LMAN1: variants seen among roughly 807,000 people sequenced by gnomAD.
The protein encoded by LMAN1 is lectin, mannose binding 1, also known as protein ERGIC-53.
A neutral mutation model predicts 67.8 loss-of-function variants in LMAN1; 32 were observed. That is an observed-to-expected ratio of 0.47 (90% CI 0.36 to 0.63). The LOEUF (loss-of-function observed/expected upper bound fraction) is 0.63. LMAN1 is among the 30% of genes least tolerant of loss of function. LMAN1 has a pLI of 0.00. For missense variants in LMAN1, 632 were observed against 628.2 expected (o/e 1.01, Z -0.06); for synonymous variants, 235 against 219.3 (o/e 1.07, Z -0.63).
At chr18:59,331,687 T>C in intron 11 of LMAN1, 148 bp from the exon 12 acceptor site, 1 of 828,776 alleles carries the variant, frequency 1.2e-6, no homozygotes, top group Non-Finnish European at 1.9e-6. Flanking sequence ...CCCTTAACTT[T>C]TACTGACAAC....
intron 1 of LMAN1, among the ~76,000 whole-genome samples, chr18:59,357,963 T>TAAAA (rs150790005): frequency 9.8e-6 from 1 of 102,552 alleles, no homozygotes; most frequent in African/African-American, 3.9e-5. Context: ...AACCTTATAG[T>TAAAA]AAAAAAAAAA....
chr18:59,343,635 T>C (rs1245259746), intron 8 of LMAN1, among the ~76,000 whole-genome samples: 1 of 152,082 alleles, frequency 6.6e-6, no homozygotes, highest in East Asian at 1.9e-4. Context: ...CTTCTCACCA[T>C]ATGCAAAAAT....
Position 59,359,164 on chromosome 18 carries a change from G to T in LMAN1, c.81C>A (p.Phe27Leu). The change falls in exon 1 of 13, where the codon TTC (phenylalanine) becomes TTA (leucine). Residue 27 changes from phenylalanine to leucine, a missense_variant. Coordinates refer to ENST00000251047, the MANE Select transcript of LMAN1 (RefSeq NM_005570.4). Reference sequence around the variant, plus strand: ...CTCCTCCCACGCCGTCGCCCCGGACGAAGCGACCGAGTGACAGCAGCAAGG... The same window carrying T: ...CTCCTCCCACGCCGTCGCCCCGGACTAAGCGACCGAGTGACAGCAGCAAGG... Reference protein sequence around the residue: ...FCALLLSLGRFVRGDGVGGDP... With the variant: ...FCALLLSLGRLVRGDGVGGDP... 1 of 1,614,070 alleles carries T rather than the reference G, an allele frequency of 6.2e-7. No individual in the cohort carries two copies. Among genetic ancestry groups the T allele is most frequent in the Non-Finnish European group, 8.5e-7 (1 of 1,179,970 alleles).
At chr18:59,351,916 C>T (rs117591606) in intron 5 of LMAN1, among the ~76,000 whole-genome samples, 1 of 152,154 alleles carries the variant, frequency 6.6e-6, no homozygotes, top group Non-Finnish European at 1.5e-5. Flanking sequence ...TCTAAGATCT[C>T]TAAATTAGCT....
chr18:59,346,177 T>C (rs189284195), intron 7 of LMAN1, 126 bp from the exon 8 acceptor site: 1 of 745,954 alleles, frequency 1.3e-6, no homozygotes, highest in Non-Finnish European at 2.2e-6. Context: ...TAAAAATGTA[T>C]TCCTTCTTTA....
intron 8 of LMAN1, among the ~76,000 whole-genome samples, chr18:59,343,802 G>A (rs1034900480): frequency 2.4e-4 from 37 of 151,814 alleles, no homozygotes; most frequent in African/African-American, 8.7e-4. Context: ...AGACAAATGG[G>A]ACTTAAACTA....
chr18:59,348,987 G>A (rs1168163040), intron 6 of LMAN1, 126 bp downstream of exon 6: 2 of 1,097,014 alleles, frequency 1.8e-6, no homozygotes, highest in Non-Finnish European at 2.8e-6. Context: ...GGCACAAGAG[G>A]TGATGGGAAA....
intron 11 of LMAN1, among the ~76,000 whole-genome samples, chr18:59,332,632 A>G (rs1264698501): frequency 7.9e-5 from 12 of 152,210 alleles, no homozygotes; most frequent in African/African-American, 2.9e-4. Flanking sequence ...ATATGGGCCA[A>G]CCATATCCCA....
At chr18:59,352,110 T>C (rs1013364598) in intron 5 of LMAN1, among the ~76,000 whole-genome samples, 1 of 152,220 alleles carries the variant, frequency 6.6e-6, no homozygotes, top group Non-Finnish European at 1.5e-5. Flanking sequence ...TTACAATGCA[T>C]AGTGATCTTA....
intron 7 of LMAN1, among the ~76,000 whole-genome samples, chr18:59,347,100 G>A (rs993608035): frequency 3.9e-4 from 59 of 151,756 alleles, no homozygotes; most frequent in Non-Finnish European, 6.8e-4. Flanking sequence ...GTGTGGTGGC[G>A]GAAGCCTGTA....
At chr18:59,352,981 G>A in intron 5 of LMAN1, 1 of 508,098 alleles carries the variant, frequency 2.0e-6, no homozygotes, top group Non-Finnish European at 3.7e-6. Context: ...ACAGTAGGGG[G>A]CTTAAACATT....
chr18:59,333,072 G>A lies in LMAN1; in HGVS notation c.1374+19C>T, dbSNP rs775302848. ...TTCCTAAAGATTATAATTATAAAAG[G>A]AAAAGGAAACAAAGTTACCATATTT... On this transcript the variant is annotated intron_variant, in intron 11 of 12. Coordinates refer to ENST00000251047, the MANE Select transcript of LMAN1 (RefSeq NM_005570.4). The A allele has an allele frequency of 1.4e-5, 23 of 1,600,502 alleles. No individual in the cohort carries two copies. The highest frequency in any genetic ancestry group is 3.3e-4 in the Middle Eastern group (2 of 6,032).
chr18:59,341,715 T>A (rs774200903), intron 8 of LMAN1, among the ~76,000 whole-genome samples: 2 of 152,042 alleles, frequency 1.3e-5, no homozygotes, highest in Non-Finnish European at 2.9e-5. Flanking sequence ...TTTACAGCAT[T>A]AAATGCCACA....
intron 1 of LMAN1, among the ~76,000 whole-genome samples, 191 bp downstream of exon 1, chr18:59,358,840 C>T (rs1908724350): frequency 6.6e-6 from 1 of 152,104 alleles, no homozygotes. Context: ...GACTCGGGGA[C>T]AAGCGGAGGG....
chr18:59,346,044 G>A lies in LMAN1; in HGVS notation c.830C>T (p.Pro277Leu). The change falls in exon 8 of 13, where the codon CCA (proline) becomes CTA (leucine). Residue 277 changes from proline to leucine, a missense_variant. Coordinates refer to ENST00000251047, the MANE Select transcript of LMAN1 (RefSeq NM_005570.4). ...LTEPGKEPPTPDKEISEKEKE... is the reference protein window; with the variant it reads ...LTEPGKEPPTLDKEISEKEKE... ...TTCCTTTTCCGAAATTTCTTTATCT[G>A]GTGTGGGCTTTTTTTTGGAGTTTTG... The A allele has an allele frequency of 6.2e-7, 1 of 1,608,722 alleles. No homozygotes were observed. Among genetic ancestry groups the A allele is most frequent in the South Asian group, 1.1e-5 (1 of 89,942 alleles).
intron 10 of LMAN1, among the ~76,000 whole-genome samples, chr18:59,333,861 AAAG>A (rs1908084325): frequency 6.6e-6 from 1 of 152,164 alleles, no homozygotes; most frequent in South Asian, 2.1e-4. Flanking sequence ...GAAAAAAAAA[AAAG>A]AGACTCAAAT....
intron 1 of LMAN1, 30 bp from the exon 2 acceptor site, chr18:59,355,688 TA>T: frequency 6.2e-7 from 1 of 1,607,586 alleles, no homozygotes; most frequent in Non-Finnish European, 8.5e-7. Context: ...AAAAAAGCTT[TA>T]AGTTATAATT....
intron 6 of LMAN1, 79 bp from the exon 7 acceptor site, chr18:59,347,650 T>C (rs929054663): frequency 1.9e-6 from 2 of 1,042,986 alleles, no homozygotes; most frequent in African/African-American, 1.6e-5. Flanking sequence ...TTTATCAATA[T>C]TTATTGTTTT....
chr18:59,347,320 C>CAAAAAAAAAAAAAAAAA (rs58932497), intron 7 of LMAN1, among the ~76,000 whole-genome samples, 193 bp downstream of exon 7: 3 of 70,348 alleles, frequency 4.3e-5, no homozygotes, highest in African/African-American at 1.2e-4. Flanking sequence ...GACTCCGTCT[C>CAAAAAAAAAAAAAAAAA]AAAAAAAAAA....
Sources: allele counts gnomAD v4.1 joint callset (sites outside exome capture counted in the v4.1 genomes callset), GRCh38; gene constraint gnomAD v4.1.1; transcripts MANE v1.5; gene names NCBI Gene and HGNC (gene_info 2026-07-23, HGNC 2026-07-21).